TENM2: variants seen among roughly 807,000 people sequenced by gnomAD.
The protein encoded by TENM2 is teneurin-2.
Under a neutral mutation model 245.2 loss-of-function variants are expected in TENM2, and 52 were observed. The ratio of observed to expected loss-of-function variants is 0.21; its 90% confidence interval spans 0.17 to 0.27. TENM2 has a LOEUF of 0.27. Ranked by LOEUF, TENM2 falls within the 10% of genes least tolerant of loss-of-function variation. TENM2 has a pLI of 1.00. For synonymous variants in TENM2, 1,363 were observed against 1,438.9 expected, an observed-to-expected ratio of 0.95 and a Z score of 1.19; for missense variants, 3,046 against 3,666.8, an observed-to-expected ratio of 0.83 and a Z score of 4.37.
chr5:167,795,695 A>C (rs1436632576), intron 2 of TENM2, among the ~76,000 whole-genome samples: 1 of 152,164 alleles, frequency 6.6e-6, no homozygotes, highest in East Asian at 1.9e-4. Context: ...TCCAAAAAAA[A>C]ATGATGTGAA....
At chr5:168,034,486 C>A (rs551261392) in intron 5 of TENM2, among the ~76,000 whole-genome samples, 1 of 152,052 alleles carries the variant, frequency 6.6e-6, no homozygotes, top group Non-Finnish European at 1.5e-5. Context: ...AATCCCAGGA[C>A]TTTTGAAGGC....
the TENM2 span, among the ~76,000 whole-genome samples, chr5:167,222,344 A>G: frequency 0.21 from 32,583 of 152,110 alleles, 4,191 homozygotes; most frequent in African/African-American, 0.36. Flanking sequence ...GGTCAGAAGT[A>G]CTATCTATAG....
At chr5:167,912,323 A>G (rs1583346253) in intron 3 of TENM2, among the ~76,000 whole-genome samples, 1 of 152,234 alleles carries the variant, frequency 6.6e-6, no homozygotes, top group East Asian at 1.9e-4. Context: ...CTATGACAGG[A>G]TTTTTTCTTT....
At chr5:167,064,827 C>T in the TENM2 span, among the ~76,000 whole-genome samples, 7 of 152,206 alleles carry the variant, frequency 4.6e-5, no homozygotes, top group East Asian at 3.9e-4. Context: ...TCATGACATA[C>T]GGGATTCTTA....
At chr5:167,103,638 C>G in the TENM2 span, among the ~76,000 whole-genome samples, 307 of 152,282 alleles carry the variant, frequency 2.0e-3, 3 homozygotes, top group African/African-American at 7.1e-3. Flanking sequence ...AGACTTCTAA[C>G]TTGTTATGTG....
At chr5:168,237,290 T>TTA (rs1765593059) in intron 25 of TENM2, among the ~76,000 whole-genome samples, 1 of 151,238 alleles carries the variant, frequency 6.6e-6, no homozygotes, top group Non-Finnish European at 1.5e-5. Context: ...AGTGCTGGGA[T>TTA]TATAGGTGTG....
intron 1 of TENM2, among the ~76,000 whole-genome samples, chr5:167,329,587 G>T (rs1757312830): frequency 6.8e-6 from 1 of 146,746 alleles, no homozygotes; most frequent in Non-Finnish European, 1.5e-5. Context: ...AAAAGAGGTG[G>T]CATACTCCCC....
the TENM2 span, among the ~76,000 whole-genome samples, chr5:167,034,143 A>C: frequency 4.6e-5 from 7 of 152,178 alleles, no homozygotes; most frequent in Non-Finnish European, 8.8e-5. Context: ...GTTTGCCTAC[A>C]ACTAAGACTA....
intron 2 of TENM2, among the ~76,000 whole-genome samples, chr5:167,645,586 T>G (rs1779875133): frequency 6.7e-6 from 1 of 149,980 alleles, no homozygotes; most frequent in Non-Finnish European, 1.5e-5. Context: ...TTTCTAGTTT[T>G]TCCTTTTTTT....
intron 2 of TENM2, among the ~76,000 whole-genome samples, chr5:167,620,531 T>C (rs1165191085): frequency 1.4e-5 from 2 of 142,964 alleles, no homozygotes; most frequent in African/African-American, 5.0e-5. Context: ...CCCTGTTGGC[T>C]AAAACTTTGC....
intron 2 of TENM2, among the ~76,000 whole-genome samples, chr5:167,832,915 G>T: frequency 6.6e-6 from 1 of 152,126 alleles, no homozygotes; most frequent in East Asian, 1.9e-4. Flanking sequence ...AAATGCTACA[G>T]ATCAGGGCTT....
At chr5:167,314,760 AG>A (rs1756254862) in intron 1 of TENM2, among the ~76,000 whole-genome samples, 1 of 152,124 alleles carries the variant, frequency 6.6e-6, no homozygotes, top group Admixed American at 6.6e-5. Flanking sequence ...ATTATTATAA[AG>A]ATATGCTACA....
chr5:167,910,830 C>T (rs560623758), intron 3 of TENM2, among the ~76,000 whole-genome samples: 1 of 152,272 alleles, frequency 6.6e-6, no homozygotes, highest in South Asian at 2.1e-4. Flanking sequence ...TCCTAAGTTA[C>T]ATTAAAATAA....
At chr5:167,689,599 G>A (rs1430649681) in intron 2 of TENM2, among the ~76,000 whole-genome samples, 1 of 152,122 alleles carries the variant, frequency 6.6e-6, no homozygotes, top group African/African-American at 2.4e-5. Flanking sequence ...TATTTAAAAT[G>A]GCCTTTTCTC....
the TENM2 span, among the ~76,000 whole-genome samples, chr5:167,209,903 T>C: frequency 6.6e-6 from 1 of 152,214 alleles, no homozygotes; most frequent in Non-Finnish European, 1.5e-5. Flanking sequence ...GCCACTGAAT[T>C]AACATGGCAT....
chr5:167,716,789 G>A (rs1360011353), intron 2 of TENM2, among the ~76,000 whole-genome samples: 1 of 150,950 alleles, frequency 6.6e-6, no homozygotes, highest in Non-Finnish European at 1.5e-5. Context: ...AATCCGAAGG[G>A]AAAAAAAATC....
chr5:168,204,044 G>T (rs1762151489), intron 18 of TENM2, among the ~76,000 whole-genome samples: 1 of 151,134 alleles, frequency 6.6e-6, no homozygotes, highest in African/African-American at 2.4e-5. Flanking sequence ...TAGAGACAGG[G>T]TCTTGCTCTG....
the TENM2 span, among the ~76,000 whole-genome samples, chr5:167,142,887 T>G: frequency 0.017 from 2,539 of 151,438 alleles, 63 homozygotes; most frequent in African/African-American, 0.058. Context: ...TGAGTGGCCC[T>G]CACTGCTAGT....
chr5:167,073,792 A>G, the TENM2 span, among the ~76,000 whole-genome samples: 1 of 152,146 alleles, frequency 6.6e-6, no homozygotes, highest in African/African-American at 2.4e-5. Flanking sequence ...GGCCCTCTTG[A>G]TCTGTTAAAT....
Sources: allele counts gnomAD v4.1 joint callset (sites outside exome capture counted in the v4.1 genomes callset), GRCh38; gene constraint gnomAD v4.1.1; transcripts MANE v1.5; gene names NCBI Gene and HGNC (gene_info 2026-07-23, HGNC 2026-07-21).